Variants in C1orf159 observed in about 807,000 individuals in gnomAD.
C1orf159 encodes chromosome 1 open reading frame 159.
Under a neutral mutation model 25.6 loss-of-function variants are expected in C1orf159, and 19 were observed. The ratio of observed to expected loss-of-function variants is 0.74; its 90% CI spans 0.52 to 1.09. The LOEUF is 1.09. Among genes scored for constraint, C1orf159 ranks in the 50% least tolerant of loss-of-function variants. C1orf159 has a pLI of 0.00. For missense variants in C1orf159, 274 were observed against 290.6 expected, an observed-to-expected ratio of 0.94 and a Z score of 0.42; for synonymous variants, 139 against 124.7, an observed-to-expected ratio of 1.12 and a Z score of -0.77.
intron 3 of C1orf159, chr1:1,091,200 G>C: frequency 1.6e-6 from 1 of 615,394 alleles, no homozygotes; most frequent in Non-Finnish European, 2.9e-6. Context: ...ACCGCTGGCA[G>C]AGGTGCTCCC....
intron 9 of C1orf159, chr1:1,084,142 G>A (rs768970728): frequency 1.3e-6 from 2 of 1,550,284 alleles, no homozygotes; most frequent in East Asian, 4.5e-5. Context: ...GCGGGCAGGG[G>A]GCGCCGGCCA....
chr1:1,090,272 C>G (rs1339864210), intron 4 of C1orf159, 81 bp downstream of exon 4: 2 of 1,382,680 alleles, frequency 1.4e-6, no homozygotes, highest in Non-Finnish European at 2.0e-6. Context: ...CTGTCCTTGT[C>G]ACCGAGGGGA....
chr1:1,083,698 TG>T, intron 9 of C1orf159: 1 of 586,072 alleles, frequency 1.7e-6, no homozygotes, highest in Non-Finnish European at 3.0e-6. Flanking sequence ...TGGGGTCTGC[TG>T]GGCACTTGCA....
rs1386868305 is a variant in C1orf159 at position 1,083,729 on chromosome 1, C to T, written c.502+624G>A. On this transcript the variant is annotated intron_variant, in intron 9 of 9. Coordinates refer to ENST00000421241, the MANE Select transcript of C1orf159 (RefSeq NM_017891.5). ...CTTGCAGACAGGGCTGCTTTAGGGA[C>T]GGGGCACGTCCAGCCTTGATGGAGA... is the stretch of plus-strand genomic sequence containing the variant. 1.3e-5 allele frequency: 8 copies of T among 619,310 alleles called. 1 individual carries two copies. The highest frequency in any genetic ancestry group is 7.9e-5 in the South Asian group (4 of 50,504). The allele number at this position is 619,310 out of a possible 1,614,324, so 38.4% of individuals were successfully genotyped here.
intron 3 of C1orf159, 157 bp downstream of exon 3, chr1:1,091,315 G>T: frequency 1.3e-6 from 1 of 779,924 alleles, no homozygotes. Context: ...GCGAGGCACA[G>T]GCCCCTCTGA....
At chr1:1,091,402 G>A (rs879136417) in intron 3 of C1orf159, 70 bp downstream of exon 3, 216 of 1,385,488 alleles carry the variant, frequency 1.6e-4, no homozygotes, top group Non-Finnish European at 2.1e-4. Context: ...AGACCCTCTA[G>A]GGGAAGGGCC....
Position 1,083,178 on chromosome 1 carries a change from G to C in C1orf159, c.503-191C>G, listed in dbSNP as rs115473837. On this transcript the variant is annotated intron_variant, in intron 9 of 9. Transcript: ENST00000421241. ...GCCCTCAGAGCTCCAGCTCGGGAAAGGGACGGCTTCCTCCTGCCCGGCTGT... is the reference window on the plus strand; with the variant it reads ...GCCCTCAGAGCTCCAGCTCGGGAAACGGACGGCTTCCTCCTGCCCGGCTGT... The C allele has an allele frequency of 2.0e-3, 1,133 of 557,882 alleles. 15 individuals are homozygous for C. The highest frequency in any genetic ancestry group is 0.019 in the African/African-American group (972 of 51,548). The allele number at this position is 557,882 out of a possible 1,614,324, so 34.6% of individuals were successfully genotyped here. A position where few individuals can be genotyped will look rare whatever the true frequency, so the allele number is the denominator to read the frequency against.
chr1:1,090,979 G>C (rs72910128), intron 3 of C1orf159: 4 of 1,549,772 alleles, frequency 2.6e-6, no homozygotes, highest in Non-Finnish European at 3.5e-6. Context: ...GCTGTTTCTC[G>C]TGACCTGAAT....
At position 1,110,784 on chromosome 1, in the gene C1orf159, C is replaced by G. The variant is rs6666280; in HGVS notation, c.-136+5276G>C. ...CTCAGAGACGACGAGCACGCAACAG[C>G]GCATCCCACACCCACTCCTTGTGCA... On this transcript the variant is annotated intron_variant, in intron 1 of 9. Coordinates refer to ENST00000421241, the MANE Select transcript of C1orf159 (RefSeq NM_017891.5). The surrounding 1 kb of genome is among the most constrained non-coding windows in gnomAD (Gnocchi z 4.8). Among the ~76,000 whole-genome samples the G allele has an allele frequency of 6.6e-6, 1 of 152,054 alleles. No homozygotes were observed. Among genetic ancestry groups the G allele is most frequent in the African/African-American group, 2.4e-5 (1 of 41,360 alleles).
intron 1 of C1orf159, among the ~76,000 whole-genome samples, chr1:1,095,108 T>G (rs947366505): frequency 1.3e-5 from 2 of 152,262 alleles, no homozygotes; most frequent in Non-Finnish European, 2.9e-5. Context: ...ACACTGCGGC[T>G]GACTGGATTA....
chr1:1,087,161 C>G lies in C1orf159; in HGVS notation c.288G>C (p.Gly96=), dbSNP rs1302310333. ...GAPFPMNRSS[G]TPGRPHPGAP... is the part of the protein sequence containing the mutation. ...TACCAGGATGTGGCCGCCCGGGGGT[C>G]CCTGAGCTTCTGTTCATGGGGAATG... The change falls in exon 6 of 10, where the codon GGG becomes GGC. Residue 96 remains glycine, a synonymous_variant. Coordinates refer to ENST00000421241, the MANE Select transcript of C1orf159 (RefSeq NM_017891.5). The surrounding 1 kb of genome is among the most constrained non-coding windows in gnomAD (Gnocchi z 8.3). 1 of 1,610,264 alleles carries G rather than the reference C, an allele frequency of 6.2e-7. No individual in the cohort carries two copies. The highest frequency in any genetic ancestry group is 1.1e-5 in the South Asian group (1 of 90,922).
intron 9 of C1orf159, chr1:1,083,951 T>A: frequency 1.2e-6 from 2 of 1,601,070 alleles, no homozygotes; most frequent in Non-Finnish European, 1.7e-6. Flanking sequence ...CCAGCACCAC[T>A]GAAGCGATGG....
At chr1:1,107,813 T>C (rs535760587) in intron 1 of C1orf159, among the ~76,000 whole-genome samples, 3 of 152,326 alleles carry the variant, frequency 2.0e-5, no homozygotes, top group East Asian at 3.9e-4. Context: ...GCTCACTCTT[T>C]GGGTCTGCAC....
intron 1 of C1orf159, among the ~76,000 whole-genome samples, chr1:1,097,584 ATTTTTTTTTT>A (rs71576596): frequency 7.9e-6 from 1 of 126,524 alleles, no homozygotes; most frequent in Admixed American, 8.2e-5. Context: ...AGCTCATTAA[ATTTTTTTTTT>A]TTTTTTTTTG....
chr1:1,105,455 G>A (rs140870947), intron 1 of C1orf159, among the ~76,000 whole-genome samples: 21 of 152,144 alleles, frequency 1.4e-4, no homozygotes, highest in African/African-American at 3.4e-4. Flanking sequence ...GCAGTGAGCC[G>A]AGATCGCGCC....
chr1:1,089,659 C>CCA lies in C1orf159; in HGVS notation c.148+693_148+694insTG, dbSNP rs1167488457. On this transcript the variant is annotated intron_variant, in intron 4 of 9. Coordinates refer to ENST00000421241, the MANE Select transcript of C1orf159 (RefSeq NM_017891.5). The surrounding 1 kb of genome is among the most constrained non-coding windows in gnomAD (Gnocchi z 7.5). ...TCTGGGTTCTTCCATCATGGGAGGG[C>CCA]TGGACCCCCAGGATGGGAGTGCCAA... 2.0e-5 allele frequency among the ~76,000 whole-genome samples: 3 copies of CCA among 152,186 alleles called. No homozygotes were observed. The highest frequency in any genetic ancestry group is 4.4e-5 in the Non-Finnish European group (3 of 68,022).
intron 1 of C1orf159, among the ~76,000 whole-genome samples, chr1:1,098,967 T>C (rs1646048866): frequency 6.9e-6 from 1 of 144,916 alleles, no homozygotes; most frequent in Non-Finnish European, 1.5e-5. Flanking sequence ...ATACTGTTAC[T>C]CAGATCCCCC....
chr1:1,107,036 C>T (rs1570334515), intron 1 of C1orf159, among the ~76,000 whole-genome samples: 3 of 152,300 alleles, frequency 2.0e-5, no homozygotes, highest in Admixed American at 2.0e-4. Context: ...TGCCCGAGGC[C>T]CCCCGCACCC....
intron 1 of C1orf159, among the ~76,000 whole-genome samples, chr1:1,113,791 C>A (rs1031459144): frequency 2.0e-5 from 3 of 152,150 alleles, no homozygotes; most frequent in African/African-American, 7.2e-5. Context: ...TGGAGGCTTC[C>A]GGGGTGTTAC....
Sources: allele counts gnomAD v4.1 joint callset (sites outside exome capture counted in the v4.1 genomes callset), GRCh38; gene constraint gnomAD v4.1.1; non-coding constraint Gnocchi (gnomAD v3.1); transcripts MANE v1.5; gene names NCBI Gene and HGNC (gene_info 2026-07-23, HGNC 2026-07-21).